Variants in CDH11 observed in about 807,000 individuals in gnomAD.
CDH11 encodes the protein cadherin-11.
CDH11 carries 11 observed loss-of-function variants against 67.8 expected under a neutral mutation model. That is an observed-to-expected ratio of 0.16 (90% CI 0.10 to 0.27). The LOEUF is 0.27. CDH11 is among the 10% of genes least tolerant of loss of function. The pLI is 1.00. For synonymous variants in CDH11, 419 were observed against 400.0 expected (o/e 1.05, Z -0.57); for missense variants, 847 against 1,031.2 (o/e 0.82, Z 2.45).
chr16:65,011,272 G>A (rs1003341584), intron 2 of CDH11, among the ~76,000 whole-genome samples: 33 of 151,756 alleles, frequency 2.2e-4, no homozygotes, highest in African/African-American at 8.0e-4. Flanking sequence ...CTTGACTTTG[G>A]ACTATTTTAA....
intron 2 of CDH11, among the ~76,000 whole-genome samples, chr16:65,051,490 C>T (rs986007647): frequency 2.0e-5 from 3 of 152,106 alleles, no homozygotes; most frequent in African/African-American, 7.2e-5. Context: ...GTTAGACTTC[C>T]CATAAATACA....
intron 1 of CDH11, among the ~76,000 whole-genome samples, chr16:65,107,072 C>T (rs1244447081): frequency 6.6e-6 from 1 of 152,014 alleles, no homozygotes; most frequent in Non-Finnish European, 1.5e-5. Context: ...CTATGAAAGG[C>T]CCAGTCCCAG....
chr16:65,019,819 A>T (rs2073385685), intron 2 of CDH11, among the ~76,000 whole-genome samples: 1 of 152,094 alleles, frequency 6.6e-6, no homozygotes, highest in Non-Finnish European at 1.5e-5. Context: ...ATTTTTTATG[A>T]ACCTTCCACA....
At chr16:65,069,003 C>G (rs2074368495) in intron 1 of CDH11, among the ~76,000 whole-genome samples, 1 of 152,160 alleles carries the variant, frequency 6.6e-6, no homozygotes, top group African/African-American at 2.4e-5. Context: ...TAGGCTGACT[C>G]CAAACAGAAA....
In CDH11 at chr16:64,982,150, A is replaced by G. The variant is rs779320049; in HGVS notation, c.1151T>C (p.Leu384Ser). 1.2e-6 allele frequency: 2 copies of G among 1,614,098 alleles called. No homozygotes were observed. Among genetic ancestry groups the G allele is most frequent in the Non-Finnish European group, 1.7e-6 (2 of 1,179,984 alleles). ...VEDADEPPMFLAPSYIHEVQE... is the reference protein window; with the variant it reads ...VEDADEPPMFSAPSYIHEVQE... ...GACTTCGTGGATGTAACTTGGGGCC[A>G]AGAACATAGGGGGCTCATCAGCATC... The change falls in exon 8 of 13, where the codon TTG becomes TCG. Residue 384 changes from leucine (L) to serine (S), a missense_variant. Around this residue, in one of 2 missense-constraint regions of CDH11, gnomAD observed 612 missense variants for 678.7 expected, o/e 0.90. Coordinates refer to ENST00000268603, the MANE Select transcript of CDH11 (RefSeq NM_001797.4).
intron 2 of CDH11, among the ~76,000 whole-genome samples, chr16:65,014,825 G>T (rs887485080): frequency 6.6e-6 from 1 of 151,942 alleles, no homozygotes; most frequent in Non-Finnish European, 1.5e-5. Flanking sequence ...AGGAGAAGAG[G>T]CTGTTTGAGG....
chr16:64,982,578 C>A, intron 7 of CDH11: 1 of 310,176 alleles, frequency 3.2e-6, no homozygotes, highest in Non-Finnish European at 5.9e-6. Flanking sequence ...ACTAATGTTG[C>A]CCAAATAAGT....
rs2074150879 is a variant in CDH11, at chr16:65,056,756, T to C, written c.-297-2828A>G. Among the ~76,000 whole-genome samples the C allele has an allele frequency of 2.6e-5, 4 of 152,182 alleles. No homozygotes were observed. In the South Asian group the frequency reaches 8.3e-4, roughly 32 times the overall value. On this transcript the variant is annotated intron_variant, in intron 1 of 12. Transcript: ENST00000268603. ...TCTGTTTTCCTTCTCTAGTCTTCTG[T>C]TAATAATGAAGCTGTGACTGGGGCC...
Position 65,121,561 on chromosome 16 carries a change from C to T in CDH11, c.-298+319G>A, listed in dbSNP as rs1366077292. 6.6e-6 allele frequency among the ~76,000 whole-genome samples: 1 copy of T among 152,172 alleles called. No homozygotes were observed. The highest frequency in any genetic ancestry group is 1.5e-5 in the Non-Finnish European group (1 of 68,036). ...TCTGCTCTGCAGTCTCTTGCCCCAG[C>T]CAGGTACAAACCCCCTCTGCTGTGG... On this transcript the variant is annotated intron_variant, in intron 1 of 12. Coordinates refer to ENST00000268603, the MANE Select transcript of CDH11 (RefSeq NM_001797.4). The surrounding 1 kb of genome is among the most constrained non-coding windows in gnomAD (Gnocchi z 4.1).
intron 11 of CDH11, among the ~76,000 whole-genome samples, chr16:64,955,136 C>T (rs560083958): frequency 6.6e-6 from 1 of 152,008 alleles, no homozygotes; most frequent in Admixed American, 6.6e-5. Flanking sequence ...ATCCCAGCTA[C>T]TCGGGAGGCT....
intron 4 of CDH11, among the ~76,000 whole-genome samples, chr16:64,994,088 C>T (rs773986102): frequency 2.0e-4 from 30 of 152,136 alleles, no homozygotes; most frequent in Non-Finnish European, 4.1e-4. Flanking sequence ...ATGTGGGAGG[C>T]AAGGGAGCCA....
intron 1 of CDH11, among the ~76,000 whole-genome samples, chr16:65,110,934 G>A (rs2075146925): frequency 6.6e-6 from 1 of 152,134 alleles, no homozygotes; most frequent in Non-Finnish European, 1.5e-5. Flanking sequence ...ATGGAATGTT[G>A]TCTTCCATGG....
intron 1 of CDH11, among the ~76,000 whole-genome samples, chr16:65,077,142 T>A (rs2142786967): frequency 6.6e-6 from 1 of 152,334 alleles, no homozygotes; most frequent in East Asian, 1.9e-4. Context: ...TAGCTTTCAG[T>A]GCTTTTGCAA....
At chr16:65,068,216 G>A (rs1364032524) in intron 1 of CDH11, among the ~76,000 whole-genome samples, 1 of 149,984 alleles carries the variant, frequency 6.7e-6, no homozygotes, top group Non-Finnish European at 1.5e-5. Flanking sequence ...GAAAGAGGAA[G>A]GGAAAGAGGG....
rs543354446 is a variant in CDH11 at position 65,088,274 on chromosome 16, C to T, written c.-298+33606G>A. ...TCCAGAACTGTCAATAATACATTTT[C>T]TGTTGTTTATAAATTTCCCACTCTA... is the stretch of plus-strand genomic sequence containing the variant. On this transcript the variant is annotated intron_variant, in intron 1 of 12. Coordinates refer to ENST00000268603, the MANE Select transcript of CDH11 (RefSeq NM_001797.4). 6.6e-5 allele frequency among the ~76,000 whole-genome samples: 10 copies of T among 152,284 alleles called. No homozygotes were observed. The East Asian group carries it at 1.7e-3, about 26-fold the overall frequency.
chr16:65,073,676 C>T (rs1381150966), intron 1 of CDH11, among the ~76,000 whole-genome samples: 2 of 152,174 alleles, frequency 1.3e-5, no homozygotes. Flanking sequence ...TCATCCCAAA[C>T]TAGACCTAGC....
upstream of CDH11, among the ~76,000 whole-genome samples, chr16:65,123,083 G>A (rs966670743): frequency 6.6e-6 from 1 of 152,060 alleles, no homozygotes; most frequent in African/African-American, 2.4e-5. Context: ...CTCCCTCCCC[G>A]AGTCGCCGGG....
At chr16:65,073,120 G>A (rs1250317677) in intron 1 of CDH11, among the ~76,000 whole-genome samples, 1 of 152,006 alleles carries the variant, frequency 6.6e-6, no homozygotes, top group African/African-American at 2.4e-5. Context: ...ATAAGTATGT[G>A]GACCAAAATG....
At chr16:65,045,135 A>C in intron 2 of CDH11, among the ~76,000 whole-genome samples, 1 of 151,418 alleles carries the variant, frequency 6.6e-6, no homozygotes, top group East Asian at 2.0e-4. Flanking sequence ...GCAATGAATC[A>C]CCATCCCCCT....
Sources: gnomAD v4.1 joint callset for allele counts (sites outside exome capture counted in the v4.1 genomes callset) on GRCh38, gnomAD v4.1.1 for gene constraint, gnomAD v4.1.1 regional missense constraint, Gnocchi (gnomAD v3.1) non-coding constraint, MANE v1.5 for transcripts, NCBI Gene and HGNC (gene_info 2026-07-23, HGNC 2026-07-21) for gene names.